Variants in HSD17B4 observed in about 807,000 individuals in gnomAD.
The protein encoded by HSD17B4 is peroxisomal multifunctional enzyme type 2.
Under a neutral mutation model 101.0 loss-of-function variants are expected in HSD17B4, and 70 were observed. The observed-to-expected ratio is 0.69, with a 90% CI of 0.57 to 0.85. The LOEUF is 0.85. Among genes scored for constraint, HSD17B4 ranks in the 40% least tolerant of loss-of-function variants. The pLI, the probability that HSD17B4 is intolerant of heterozygous loss-of-function variation, is 0.00. For synonymous variants in HSD17B4, 347 were observed against 297.1 expected (o/e 1.17, Z -1.73); for missense variants, 984 against 892.4 (o/e 1.10, Z -1.31).
chr5:119,478,702 C>T (rs1748829608), intron 7 of HSD17B4, 132 bp from the exon 8 acceptor site: 1 of 646,146 alleles, frequency 1.5e-6, no homozygotes, highest in African/African-American at 1.8e-5. Context: ...TTACATAAAT[C>T]ATGATCGTAA....
intron 23 of HSD17B4, 137 bp downstream of exon 23, chr5:119,536,687 A>T (rs1481029794): frequency 3.7e-5 from 29 of 784,974 alleles, no homozygotes; most frequent in Middle Eastern, 5.5e-4. Flanking sequence ...GTTGCTACTG[A>T]TACTCTGGTT....
chr5:119,462,248 A>ATTTTTTTTTTTTT lies in HSD17B4; in HGVS notation c.112+5903_112+5915dup, dbSNP rs10524491. Among the ~76,000 whole-genome samples, 11 of 30,008 alleles carry ATTTTTTTTTTTTT rather than the reference A, an allele frequency of 3.7e-4. 3 individuals are homozygous for ATTTTTTTTTTTTT. Among genetic ancestry groups the ATTTTTTTTTTTTT allele is most frequent in the African/African-American group, 4.8e-4 (5 of 10,330 alleles). 19.7% of individuals were successfully genotyped at this position (30,008 alleles called of 152,430 possible). Reference sequence around the variant, plus strand: ...TTCATATCCTCCCCCAACAAATGTGATTTTTTTTTTTTTTTTTTTTTTTTT... The same window carrying ATTTTTTTTTTTTT: ...TTCATATCCTCCCCCAACAAATGTGATTTTTTTTTTTTTTTTTTTTTTTTTTTTTTTTTTTTTT... On this transcript the variant is annotated intron_variant, in intron 2 of 23. Transcript: ENST00000510025.
chr5:119,510,976 C>A (rs1331258228), intron 16 of HSD17B4, among the ~76,000 whole-genome samples: 1 of 152,172 alleles, frequency 6.6e-6, no homozygotes, highest in East Asian at 1.9e-4. Context: ...TTTACCCTAC[C>A]TGTGGCAGGT....
At chr5:119,500,651 T>C (rs1751075053) in intron 13 of HSD17B4, among the ~76,000 whole-genome samples, 1 of 152,022 alleles carries the variant, frequency 6.6e-6, no homozygotes, top group Non-Finnish European at 1.5e-5. Flanking sequence ...AGTCACCTAA[T>C]GTGTGAGAGT....
chr5:119,531,491 A>G lies in HSD17B4; in HGVS notation c.1993+87A>G, dbSNP rs1263212806. On this transcript the variant is annotated intron_variant, in intron 22 of 23. Transcript: ENST00000510025. ...TTAACAATTAAAGACCTTTGAAGGTAGGTAAATCTTACCTTTTTAGGTAAG... is the reference window on the plus strand; with the variant it reads ...TTAACAATTAAAGACCTTTGAAGGTGGGTAAATCTTACCTTTTTAGGTAAG... 3.8e-5 allele frequency: 51 copies of G among 1,352,288 alleles called. No individual in the cohort carries two copies. In the East Asian group the frequency reaches 1.2e-3, roughly 32 times the overall value. The allele number at this position is 1,352,288 out of a possible 1,614,324, so 83.8% of individuals were successfully genotyped here.
chr5:119,489,352 A>G, intron 9 of HSD17B4, 69 bp downstream of exon 9: 1 of 936,222 alleles, frequency 1.1e-6, no homozygotes, highest in Non-Finnish European at 1.8e-6. Context: ...AATCTGTACC[A>G]GTGGACATCA....
chr5:119,474,332 C>T, intron 3 of HSD17B4, 69 bp from the exon 4 acceptor site: 1 of 917,894 alleles, frequency 1.1e-6, no homozygotes, highest in Non-Finnish European at 1.8e-6. Context: ...TGTACTCTGA[C>T]CCACAGAATT....
chr5:119,481,220 G>A (rs1749096694), intron 8 of HSD17B4, among the ~76,000 whole-genome samples: 2 of 152,154 alleles, frequency 1.3e-5, no homozygotes, highest in Non-Finnish European at 2.9e-5. Context: ...AGAGATTGCA[G>A]TAAAGACAGG....
chr5:119,482,996 C>T (rs534406036), intron 8 of HSD17B4, among the ~76,000 whole-genome samples: 6 of 151,838 alleles, frequency 4.0e-5, no homozygotes, highest in African/African-American at 7.2e-5. Context: ...TCAGACAAGG[C>T]TCTGGTAAAG....
intron 8 of HSD17B4, among the ~76,000 whole-genome samples, chr5:119,480,369 T>G (rs1422606459): frequency 6.6e-6 from 1 of 151,820 alleles, no homozygotes; most frequent in African/African-American, 2.4e-5. Context: ...AGGGACAGAG[T>G]ACAAAAGAGA....
intron 17 of HSD17B4, among the ~76,000 whole-genome samples, chr5:119,523,075 C>T (rs1753256069): frequency 6.6e-6 from 1 of 151,926 alleles, no homozygotes; most frequent in African/African-American, 2.4e-5. Flanking sequence ...GCAGTGTTCT[C>T]TGTCTTCTAG....
intron 15 of HSD17B4, among the ~76,000 whole-genome samples, chr5:119,508,434 A>C (rs72788186): frequency 0.05 from 7,642 of 152,238 alleles, 253 homozygotes; most frequent in Non-Finnish European, 0.07. Context: ...ATTTTTGTTT[A>C]TAATTAGATT....
chr5:119,530,827 TG>T (rs1246426728), intron 21 of HSD17B4, among the ~76,000 whole-genome samples: 1 of 114,522 alleles, frequency 8.7e-6, no homozygotes, highest in Non-Finnish European at 1.7e-5. Context: ...CATTCTAGCC[TG>T]GGCGACAAGT....
Position 119,478,977 on chromosome 5 carries a change from C to A in HSD17B4, c.578C>A (p.Ala193Asp), listed in dbSNP as rs754803105. 8 of 1,613,608 alleles carry A rather than the reference C, an allele frequency of 5.0e-6. No homozygotes were observed. Among genetic ancestry groups the A allele is most frequent in the Non-Finnish European group, 1.7e-6 (2 of 1,179,660 alleles). Residue 193 changes from alanine (A) to aspartate (D), a missense_variant, in exon 8 of 24, where the codon GCT becomes GAT. Physicochemically the swap from Ala to Asp is moderately radical, Grantham distance 126 (BLOSUM62 -2). Coordinates refer to ENST00000510025, the MANE Select transcript of HSD17B4 (RefSeq NM_000414.4). ...AGCAACATTCATTGTAACACCATTG[C>A]TCCTAATGCGGGATCACGGATGACT... ...RKSNIHCNTIAPNAGSRMTQT... is the reference protein window; with the variant it reads ...RKSNIHCNTIDPNAGSRMTQT...
intron 8 of HSD17B4, among the ~76,000 whole-genome samples, chr5:119,488,817 A>G (rs1184864548): frequency 6.6e-6 from 1 of 152,034 alleles, no homozygotes; most frequent in Non-Finnish European, 1.5e-5. Flanking sequence ...GATTTTCTAG[A>G]TTGTTGTTAA....
intron 1 of HSD17B4, 150 bp downstream of exon 1, chr5:119,452,783 G>T (rs891333978): frequency 6.5e-6 from 10 of 1,549,436 alleles, no homozygotes; most frequent in Non-Finnish European, 8.7e-6. Flanking sequence ...CGCATCTCTT[G>T]AGGAGGAAAG....
At chr5:119,488,365 G>T (rs1749794763) in intron 8 of HSD17B4, among the ~76,000 whole-genome samples, 1 of 152,086 alleles carries the variant, frequency 6.6e-6, no homozygotes, top group Non-Finnish European at 1.5e-5. Flanking sequence ...AGAGAAGTTG[G>T]CTAAGGGCTA....
chr5:119,516,630 G>T (rs190897361), intron 17 of HSD17B4, among the ~76,000 whole-genome samples: 3 of 152,222 alleles, frequency 2.0e-5, no homozygotes, highest in African/African-American at 7.2e-5. Flanking sequence ...TATAATGGAG[G>T]CTATATACCA....
Position 119,531,306 on chromosome 5 carries a change from G to A in HSD17B4, c.1895G>A (p.Gly632Glu). 1 of 1,613,530 alleles carries A rather than the reference G, an allele frequency of 6.2e-7. No individual in the cohort carries two copies. The highest frequency in any genetic ancestry group is 8.5e-7 in the Non-Finnish European group (1 of 1,179,606). ...AGTACCTTTGTATTTGAGGAAATAG[G>A]ACGCCGCCTAAAGGATATTGGGCCT... ...LQSTFVFEEI[G>E]RRLKDIGPEV... Residue 632 changes from glycine (G) to glutamate (E), a missense_variant, in exon 22 of 24, where the codon GGA becomes GAA. By Grantham distance (98) the Gly-to-Glu change is moderately conservative. Coordinates refer to ENST00000510025, the MANE Select transcript of HSD17B4 (RefSeq NM_000414.4).
Sources: allele counts gnomAD v4.1 joint callset (sites outside exome capture counted in the v4.1 genomes callset), GRCh38; gene constraint gnomAD v4.1.1; transcripts MANE v1.5; gene names NCBI Gene and HGNC (gene_info 2026-07-23, HGNC 2026-07-21).